PLXDC2: variants seen among roughly 807,000 people sequenced by gnomAD.
The protein encoded by PLXDC2 is plexin domain containing 2, also known as plexin domain-containing protein 2.
PLXDC2 carries 40 observed loss-of-function variants against 68.9 expected under a neutral mutation model. The ratio of observed to expected loss-of-function variants is 0.58; its 90% confidence interval spans 0.45 to 0.76. The LOEUF (loss-of-function observed/expected upper bound fraction) is 0.76. Ranked by LOEUF, PLXDC2 falls within the 30% of genes least tolerant of loss-of-function variation. The pLI, the probability that PLXDC2 is intolerant of heterozygous loss-of-function variation, is 0.00. For synonymous variants in PLXDC2, 243 were observed against 234.2 expected, an observed-to-expected ratio of 1.04 and a Z score of -0.34; for missense variants, 644 against 661.9, an observed-to-expected ratio of 0.97 and a Z score of 0.30.
In PLXDC2 at chr10:19,952,246, G is replaced by A. The variant is rs78724344; in HGVS notation, c.113-49529G>A. Among the ~76,000 whole-genome samples, 1,137 of 152,234 alleles carry A rather than the reference G, an allele frequency of 7.5e-3. 7 individuals are homozygous for A. The highest frequency in any genetic ancestry group is 0.014 in the Middle Eastern group (4 of 294). ...CTCCCTTTCTTCCTTCCTCCCTTGA[G>A]TATCCAAGAGATATCTCTCCGTCCG... is the stretch of plus-strand genomic sequence containing the variant. On this transcript the variant is annotated intron_variant, in intron 1 of 13. Transcript: ENST00000377252.
chr10:20,087,232 C>G (rs1050032770), intron 4 of PLXDC2, among the ~76,000 whole-genome samples: 2 of 152,106 alleles, frequency 1.3e-5, no homozygotes, highest in African/African-American at 4.8e-5. Context: ...ATCTGAGAAC[C>G]ACATATTAAA....
chr10:19,977,528 T>C (rs1458469579), intron 1 of PLXDC2, among the ~76,000 whole-genome samples: 3 of 152,198 alleles, frequency 2.0e-5, no homozygotes, highest in Non-Finnish European at 2.9e-5. Flanking sequence ...ATAAGGGCAG[T>C]GTGGCTGCTT....
intron 1 of PLXDC2, among the ~76,000 whole-genome samples, chr10:19,868,571 T>A (rs1316600374): frequency 6.6e-6 from 1 of 152,218 alleles, no homozygotes; most frequent in East Asian, 1.9e-4. Context: ...ATGTTAACTC[T>A]ATGCCATTGA....
chr10:19,933,059 C>G (rs570487565), intron 1 of PLXDC2, among the ~76,000 whole-genome samples: 4 of 152,140 alleles, frequency 2.6e-5, no homozygotes, highest in Non-Finnish European at 4.4e-5. Context: ...CAAACAAGCA[C>G]GGTACCAAGC....
intron 1 of PLXDC2, among the ~76,000 whole-genome samples, chr10:19,831,460 G>A (rs185455700): frequency 5.3e-5 from 8 of 152,030 alleles, no homozygotes; most frequent in Non-Finnish European, 7.4e-5. Context: ...TAGGCTGAGG[G>A]GTACATGTGA....
intron 1 of PLXDC2, among the ~76,000 whole-genome samples, chr10:19,829,241 A>G (rs933775077): frequency 3.5e-5 from 5 of 144,464 alleles, no homozygotes; most frequent in Non-Finnish European, 3.0e-5. Flanking sequence ...CTGATCATCA[A>G]TAGTAATTAC....
chr10:19,994,702 G>A (rs959089667), intron 1 of PLXDC2, among the ~76,000 whole-genome samples: 9 of 151,492 alleles, frequency 5.9e-5, no homozygotes, highest in South Asian at 2.1e-4. Flanking sequence ...TTAAGACACC[G>A]TCTCAGATGA....
chr10:20,241,946 A>G (rs923816836), intron 12 of PLXDC2, among the ~76,000 whole-genome samples: 7 of 151,708 alleles, frequency 4.6e-5, no homozygotes, highest in South Asian at 4.2e-4. Context: ...AGATGGATGC[A>G]TGGATGGATG....
At chr10:19,882,479 G>A (rs932284463) in intron 1 of PLXDC2, among the ~76,000 whole-genome samples, 9 of 152,108 alleles carry the variant, frequency 5.9e-5, no homozygotes, top group African/African-American at 1.4e-4. Context: ...GAAAAAAATC[G>A]GGCCAACAAC....
At chr10:20,111,495 A>G (rs1833559660) in intron 4 of PLXDC2, among the ~76,000 whole-genome samples, 1 of 152,204 alleles carries the variant, frequency 6.6e-6, no homozygotes, top group Non-Finnish European at 1.5e-5. Flanking sequence ...GGTGTTCTCT[A>G]AGTAAATTAT....
rs1369664166 is a variant in PLXDC2, at chr10:20,283,367, G to A, written c.*3548G>A. On this transcript the variant is annotated 3_prime_UTR_variant, in exon 14 of 14. Transcript: ENST00000377252. ...ATGCAACCTGATTAAATGTACAGATGTGCAGACTCTTAAAAACCTTATGTT... is the reference window on the plus strand; with the variant it reads ...ATGCAACCTGATTAAATGTACAGATATGCAGACTCTTAAAAACCTTATGTT... 1 of 152,286 alleles carries A rather than the reference G, an allele frequency of 6.6e-6. No individual in the cohort carries two copies. The highest frequency in any genetic ancestry group is 2.4e-5 in the African/African-American group (1 of 41,562). 9.4% of individuals were successfully genotyped at this position (152,286 alleles called of 1,614,324 possible). A position where few individuals can be genotyped will look rare whatever the true frequency, so the allele number is the denominator to read the frequency against.
intron 1 of PLXDC2, among the ~76,000 whole-genome samples, chr10:19,820,211 G>C (rs1291738024): frequency 6.6e-6 from 1 of 152,188 alleles, no homozygotes; most frequent in Non-Finnish European, 1.5e-5. Flanking sequence ...ACATTTCAGT[G>C]TGATCTTCAG....
chr10:20,138,103 T>G (rs1833957162), intron 4 of PLXDC2, among the ~76,000 whole-genome samples: 1 of 152,224 alleles, frequency 6.6e-6, no homozygotes, highest in Non-Finnish European at 1.5e-5. Flanking sequence ...ATATTTAATA[T>G]CAGAAGTGTT....
chr10:20,008,682 A>G (rs545262414), intron 2 of PLXDC2, among the ~76,000 whole-genome samples: 1 of 152,198 alleles, frequency 6.6e-6, no homozygotes, highest in South Asian at 2.1e-4. Flanking sequence ...TGGTTTGGCT[A>G]TGTCCCCACC....
chr10:19,864,262 T>C (rs1220940749), intron 1 of PLXDC2, among the ~76,000 whole-genome samples: 2 of 152,182 alleles, frequency 1.3e-5, no homozygotes, highest in Non-Finnish European at 2.9e-5. Flanking sequence ...AGCCTTGGCC[T>C]CCCAAAGAGC....
chr10:20,088,369 A>G (rs889476207), intron 4 of PLXDC2, among the ~76,000 whole-genome samples: 21 of 152,202 alleles, frequency 1.4e-4, no homozygotes, highest in Non-Finnish European at 1.5e-5. Context: ...ATTACTAGTG[A>G]ATAAGGTATT....
At chr10:19,851,177 A>G (rs1237762266) in intron 1 of PLXDC2, among the ~76,000 whole-genome samples, 1 of 152,204 alleles carries the variant, frequency 6.6e-6, no homozygotes, top group African/African-American at 2.4e-5. Flanking sequence ...AGGAAGGTCA[A>G]ATCTCAGGAA....
chr10:20,081,202 C>T (rs1836550957), intron 4 of PLXDC2, among the ~76,000 whole-genome samples: 1 of 152,078 alleles, frequency 6.6e-6, no homozygotes, highest in Admixed American at 6.6e-5. Context: ...CTCCTAGGCT[C>T]ACATGAGGGA....
At chr10:19,862,197 A>G (rs1168512071) in intron 1 of PLXDC2, among the ~76,000 whole-genome samples, 1 of 152,222 alleles carries the variant, frequency 6.6e-6, no homozygotes, top group Non-Finnish European at 1.5e-5. Flanking sequence ...TATTTAAACT[A>G]AAGTGTTGCA....
Sources: allele counts gnomAD v4.1 joint callset (sites outside exome capture counted in the v4.1 genomes callset), GRCh38; gene constraint gnomAD v4.1.1; transcripts MANE v1.5; gene names NCBI Gene and HGNC (gene_info 2026-07-23, HGNC 2026-07-21).